Variants in ASTN1 observed in about 807,000 individuals in gnomAD.
ASTN1 encodes astrotactin-1.
Under a neutral mutation model 140.7 loss-of-function variants are expected in ASTN1, and 41 were observed. The ratio of observed to expected loss-of-function variants is 0.29; its 90% CI spans 0.23 to 0.38. ASTN1 has a LOEUF of 0.38. Ranked by LOEUF, ASTN1 falls within the 10% of genes least tolerant of loss-of-function variation. The probability of loss-of-function intolerance (pLI) is 1.00; values close to 1 mark genes in which losing one functional copy is unlikely to be tolerated. For missense variants in ASTN1, 1,479 were observed against 1,678.8 expected (o/e 0.88, Z 2.08); for synonymous variants, 640 against 652.2 (o/e 0.98, Z 0.29).
At chr1:176,878,720 C>A in intron 20 of ASTN1, among the ~76,000 whole-genome samples, 1 of 152,028 alleles carries the variant, frequency 6.6e-6, no homozygotes, top group Non-Finnish European at 1.5e-5. Flanking sequence ...ACCATCTTGA[C>A]CTTCCCTTTC....
chr1:177,147,788 G>C (rs1324964863), intron 1 of ASTN1, among the ~76,000 whole-genome samples: 1 of 152,192 alleles, frequency 6.6e-6, no homozygotes, highest in East Asian at 1.9e-4. Flanking sequence ...GTCCAAGGAA[G>C]AGTAGGCCTA....
intron 1 of ASTN1, among the ~76,000 whole-genome samples, chr1:177,062,837 G>T (rs917664213): frequency 3.3e-5 from 5 of 152,148 alleles, no homozygotes; most frequent in Non-Finnish European, 2.9e-5. Flanking sequence ...CACTGTCCCA[G>T]GCACTCAGAT....
chr1:176,871,462 G>A (rs1668341402), intron 21 of ASTN1, among the ~76,000 whole-genome samples: 1 of 152,338 alleles, frequency 6.6e-6, no homozygotes, highest in Non-Finnish European at 1.5e-5. Context: ...TTGCGGAGGA[G>A]CAGTGATGGC....
At chr1:176,929,488 G>A (rs184645601) in intron 16 of ASTN1, among the ~76,000 whole-genome samples, 6 of 152,288 alleles carry the variant, frequency 3.9e-5, no homozygotes, top group African/African-American at 7.2e-5. Context: ...AAGAAGGACC[G>A]GGTGATTCCT....
chr1:176,871,046 T>C (rs1403791330), intron 21 of ASTN1, among the ~76,000 whole-genome samples: 1 of 152,198 alleles, frequency 6.6e-6, no homozygotes, highest in Non-Finnish European at 1.5e-5. Flanking sequence ...TATTGTGTAC[T>C]GATGTGTGGG....
intron 1 of ASTN1, among the ~76,000 whole-genome samples, chr1:177,106,756 C>T (rs1460313913): frequency 2.0e-5 from 3 of 152,144 alleles, no homozygotes; most frequent in Non-Finnish European, 4.4e-5. Flanking sequence ...TCAGGTAAAC[C>T]TCAAGCTGAA....
intron 1 of ASTN1, among the ~76,000 whole-genome samples, chr1:177,143,535 T>G (rs1017694961): frequency 6.6e-6 from 1 of 152,196 alleles, no homozygotes; most frequent in Admixed American, 6.5e-5. Context: ...AGGTAAGTTC[T>G]TAAAATTCCT....
At chr1:176,866,299 T>C (rs1283651817) in intron 22 of ASTN1, among the ~76,000 whole-genome samples, 1 of 152,138 alleles carries the variant, frequency 6.6e-6, no homozygotes, top group Non-Finnish European at 1.5e-5. Flanking sequence ...GATAGTCATA[T>C]TTTCTCCAAC....
chr1:176,912,336 C>G (rs1285554335), intron 16 of ASTN1, among the ~76,000 whole-genome samples: 1 of 152,174 alleles, frequency 6.6e-6, no homozygotes, highest in Non-Finnish European at 1.5e-5. Context: ...GCACATGGCT[C>G]TGCTTCAATA....
At chr1:177,146,897 A>C (rs569302840) in intron 1 of ASTN1, among the ~76,000 whole-genome samples, 1 of 152,348 alleles carries the variant, frequency 6.6e-6, no homozygotes, top group African/African-American at 2.4e-5. Flanking sequence ...ATCTCACTTT[A>C]GCTTGCAGCA....
intron 20 of ASTN1, among the ~76,000 whole-genome samples, chr1:176,877,012 C>A (rs373644690): frequency 1.3e-5 from 2 of 152,148 alleles, no homozygotes; most frequent in African/African-American, 4.8e-5. Context: ...GGGAACCAGA[C>A]CTCTGTGCTT....
At chr1:176,885,978 C>CA (rs1284455201) in intron 18 of ASTN1, among the ~76,000 whole-genome samples, 1 of 151,506 alleles carries the variant, frequency 6.6e-6, no homozygotes, top group African/African-American at 2.4e-5. Flanking sequence ...GGAATAGACC[C>CA]AAAACTGTGC....
rs553007955 is a variant in ASTN1 at position 177,068,490 on chromosome 1, C to T, written c.284-7225G>A. ...CCCTTAAAGGCAAAAACAACAGAGC[C>T]TCATAGCATGAGTGATTCAGTGATG... On this transcript the variant is annotated intron_variant, in intron 1 of 22. Coordinates refer to ENST00000361833, the MANE Select transcript of ASTN1 (RefSeq NM_004319.3). 2.8e-4 allele frequency among the ~76,000 whole-genome samples: 42 copies of T among 152,136 alleles called. 1 individual carries two copies. Among genetic ancestry groups the T allele is most frequent in the Non-Finnish European group, 5.6e-4 (38 of 68,036 alleles).
chr1:176,878,914 C>T (rs1668675339), intron 20 of ASTN1, among the ~76,000 whole-genome samples: 1 of 152,172 alleles, frequency 6.6e-6, no homozygotes, highest in Non-Finnish European at 1.5e-5. Flanking sequence ...CCCGAGTGAG[C>T]CCCCTTCTCC....
At chr1:176,988,285 G>GGAA (rs977332267) in intron 8 of ASTN1, among the ~76,000 whole-genome samples, 8 of 141,264 alleles carry the variant, frequency 5.7e-5, no homozygotes, top group African/African-American at 2.1e-4. Flanking sequence ...CAAAACTCCA[G>GGAA]GAAGAGGTAG....
intron 5 of ASTN1, among the ~76,000 whole-genome samples, chr1:177,028,648 G>A (rs866359703): frequency 4.6e-5 from 7 of 152,178 alleles, no homozygotes; most frequent in South Asian, 2.1e-4. Context: ...GTATCTTACA[G>A]GGACGCTGCC....
At chr1:176,983,870 C>A (rs1457555017) in intron 8 of ASTN1, among the ~76,000 whole-genome samples, 1 of 152,214 alleles carries the variant, frequency 6.6e-6, no homozygotes, top group African/African-American at 2.4e-5. Context: ...TCTGCACTAA[C>A]AAAAGATTTC....
intron 16 of ASTN1, among the ~76,000 whole-genome samples, chr1:176,910,875 A>G (rs909957288): frequency 6.6e-6 from 1 of 152,220 alleles, no homozygotes; most frequent in Non-Finnish European, 1.5e-5. Context: ...TCTATTGTGA[A>G]CTGCACATGC....
At chr1:177,094,376 C>A (rs1316707959) in intron 1 of ASTN1, among the ~76,000 whole-genome samples, 2 of 152,178 alleles carry the variant, frequency 1.3e-5, no homozygotes, top group African/African-American at 4.8e-5. Flanking sequence ...GGGAGGCTGC[C>A]TATGCACATG....
Sources: allele counts gnomAD v4.1 joint callset (sites outside exome capture counted in the v4.1 genomes callset), GRCh38; gene constraint gnomAD v4.1.1; transcripts MANE v1.5; gene names NCBI Gene and HGNC (gene_info 2026-07-23, HGNC 2026-07-21).